The following UTRN variants were observed in gnomAD, a reference collection of about 807,000 sequenced individuals.
UTRN encodes the protein utrophin, also known as dystrophin-related protein 1.
Under a neutral mutation model 463.9 loss-of-function variants are expected in UTRN, and 283 were observed. The observed-to-expected ratio is 0.61, with a 90% confidence interval of 0.55 to 0.67. The LOEUF (loss-of-function observed/expected upper bound fraction) is 0.67, where lower values mean the gene tolerates loss of function less well. Ranked by LOEUF, UTRN falls within the 30% of genes least tolerant of loss-of-function variation. The probability of loss-of-function intolerance (pLI) is 0.00; values close to 1 mark genes in which losing one functional copy is unlikely to be tolerated. For synonymous variants in UTRN, 1,442 were observed against 1,431.5 expected, an observed-to-expected ratio of 1.01 and a Z score of -0.17; for missense variants, 3,922 against 4,084.3, an observed-to-expected ratio of 0.96 and a Z score of 1.08.
intron 52 of UTRN, among the ~76,000 whole-genome samples, chr6:144,697,744 A>T (rs908755312): frequency 6.6e-6 from 1 of 152,176 alleles, no homozygotes; most frequent in Non-Finnish European, 1.5e-5. Context: ...CTTCATCCTC[A>T]TAATTAATAG....
At chr6:144,710,866 C>T (rs547384706) in intron 53 of UTRN, among the ~76,000 whole-genome samples, 7 of 152,270 alleles carry the variant, frequency 4.6e-5, no homozygotes, top group East Asian at 1.9e-4. Flanking sequence ...TAGATTAACC[C>T]GTCAAATTAG....
chr6:144,597,771 C>CTA (rs1255524701), intron 51 of UTRN, among the ~76,000 whole-genome samples: 1 of 152,196 alleles, frequency 6.6e-6, no homozygotes, highest in Non-Finnish European at 1.5e-5. Flanking sequence ...CCATTCATAA[C>CTA]TATACCTTTT....
In UTRN at chr6:144,534,103, T is replaced by C. The variant is rs142596467; in HGVS notation, c.6233+843T>C. On this transcript the variant is annotated intron_variant, in intron 43 of 74. Transcript: ENST00000367545. ...TAATACTTTATCAGGTCCAGTATTA[T>C]TATGCAACCTAAAATATTCAAGTAT... 6.0e-3 allele frequency among the ~76,000 whole-genome samples: 915 copies of C among 152,332 alleles called. 8 individuals are homozygous for C. Among genetic ancestry groups the C allele is most frequent in the African/African-American group, 0.021 (887 of 41,574 alleles).
chr6:144,788,208 A>G (rs1014667064), intron 61 of UTRN, among the ~76,000 whole-genome samples: 1 of 152,158 alleles, frequency 6.6e-6, no homozygotes, highest in Non-Finnish European at 1.5e-5. Flanking sequence ...TTTAATTATA[A>G]TTTGATATTT....
At chr6:144,711,252 G>A (rs1030194594) in intron 53 of UTRN, among the ~76,000 whole-genome samples, 1 of 151,820 alleles carries the variant, frequency 6.6e-6, no homozygotes, top group Non-Finnish European at 1.5e-5. Context: ...GGGGGCGGAG[G>A]TTGCAGTGAA....
intron 1 of UTRN, among the ~76,000 whole-genome samples, chr6:144,287,318 T>C (rs1803784776): frequency 6.6e-6 from 1 of 152,188 alleles, no homozygotes; most frequent in African/African-American, 2.4e-5. Context: ...ATTGGCTCTG[T>C]AAACAGTATT....
At chr6:144,295,290 A>G (rs1386540061) in intron 2 of UTRN, among the ~76,000 whole-genome samples, 1 of 152,254 alleles carries the variant, frequency 6.6e-6, no homozygotes, top group Non-Finnish European at 1.5e-5. Context: ...AATAATTAAC[A>G]TACATTAAAG....
intron 2 of UTRN, among the ~76,000 whole-genome samples, chr6:144,367,267 G>A (rs1026603127): frequency 2.2e-4 from 33 of 151,558 alleles, no homozygotes; most frequent in African/African-American, 7.8e-4. Context: ...TTACAGGTGT[G>A]AGCCACTGTG....
chr6:144,802,924 C>A (rs560131543), intron 64 of UTRN, 112 bp from the exon 65 acceptor site: 1,328 of 705,686 alleles, frequency 1.9e-3, no homozygotes, highest in Non-Finnish European at 2.4e-3. Flanking sequence ...GACTTGAACT[C>A]CAAAATTTTA....
chr6:144,825,449 A>G (rs984737450), intron 66 of UTRN, among the ~76,000 whole-genome samples: 2 of 152,204 alleles, frequency 1.3e-5, no homozygotes, highest in East Asian at 1.9e-4. Flanking sequence ...TCTGAAGTCA[A>G]TGAAGCCCAA....
rs2128722337 is a variant in UTRN at position 144,748,266 on chromosome 6, G to A, written c.7960G>A (p.Ala2654Thr). 1 of 1,611,650 alleles carries A rather than the reference G, an allele frequency of 6.2e-7. No individual in the cohort carries two copies. Residue 2654 changes from alanine (A) to threonine (T), a missense_variant, in exon 55 of 75, where the codon GCC (alanine) becomes ACC (threonine). This residue lies in a region of UTRN where 1,309 missense variants were observed against 1,452.6 expected (regional missense o/e 0.90). Coordinates refer to ENST00000367545, the MANE Select transcript of UTRN (RefSeq NM_007124.3). ...CACAGAATTAACTCCTGAGGAGAGA[G>A]CCCAAAAGATTGCCAAAGCCATGCG... ...SKTELTPEER[A>T]QKIAKAMRKQ...
intron 13 of UTRN, among the ~76,000 whole-genome samples, chr6:144,441,887 T>A (rs1787205843): frequency 6.6e-6 from 1 of 152,194 alleles, no homozygotes; most frequent in Non-Finnish European, 1.5e-5. Context: ...GGCTTGTGGC[T>A]TGCACCTTTG....
chr6:144,602,125 A>G (rs977794817), intron 51 of UTRN, among the ~76,000 whole-genome samples: 1 of 149,392 alleles, frequency 6.7e-6, no homozygotes, highest in South Asian at 2.1e-4. Flanking sequence ...TTCCTACAGC[A>G]TTTTTTTTTT....
chr6:144,469,181 G>A (rs1294620575), intron 23 of UTRN, among the ~76,000 whole-genome samples: 1 of 152,192 alleles, frequency 6.6e-6, no homozygotes, highest in African/African-American at 2.4e-5. Flanking sequence ...AAGCATTAAT[G>A]TTGGCAGCAA....
At position 144,723,935 on chromosome 6, in the gene UTRN, G is replaced by A. The variant is rs527470648; in HGVS notation, c.7810-6422G>A. 5.2e-4 allele frequency among the ~76,000 whole-genome samples: 78 copies of A among 148,584 alleles called. 1 individual carries two copies. The highest frequency in any genetic ancestry group is 8.8e-4 in the Admixed American group (13 of 14,744). Reference sequence around the variant, plus strand: ...TAAGGCGGCAGAATTGCTTGAGCCCGGGAGGCAGAGGTTGCAGTGAGCCAA... The same window carrying A: ...TAAGGCGGCAGAATTGCTTGAGCCCAGGAGGCAGAGGTTGCAGTGAGCCAA... On this transcript the variant is annotated intron_variant, in intron 53 of 74. Transcript: ENST00000367545.
chr6:144,556,026 GT>G (rs2128614457), intron 49 of UTRN, among the ~76,000 whole-genome samples: 1 of 152,296 alleles, frequency 6.6e-6, no homozygotes, highest in South Asian at 2.1e-4. Context: ...CAGTTATAGA[GT>G]TGATAATATT....
chr6:144,608,022 T>A (rs1305106084), intron 51 of UTRN, among the ~76,000 whole-genome samples: 1 of 152,184 alleles, frequency 6.6e-6, no homozygotes, highest in African/African-American at 2.4e-5. Flanking sequence ...TCCACACTAA[T>A]GTGATTGTTA....
chr6:144,638,470 T>C (rs1056343218), intron 51 of UTRN, among the ~76,000 whole-genome samples: 1 of 152,242 alleles, frequency 6.6e-6, no homozygotes, highest in African/African-American at 2.4e-5. Context: ...TTCCTTTAAA[T>C]AGGGATTCAC....
intron 32 of UTRN, among the ~76,000 whole-genome samples, chr6:144,493,024 T>A (rs1793214377): frequency 6.6e-6 from 1 of 152,228 alleles, no homozygotes; most frequent in Non-Finnish European, 1.5e-5. Flanking sequence ...AGGAAAAATA[T>A]TTATATTATC....
Sources: allele counts gnomAD v4.1 joint callset (sites outside exome capture counted in the v4.1 genomes callset), GRCh38; gene constraint gnomAD v4.1.1; regional missense constraint gnomAD v4.1.1; transcripts MANE v1.5; gene names NCBI Gene and HGNC (gene_info 2026-07-23, HGNC 2026-07-21).